The following CTR9 variants were observed in gnomAD, a reference collection of about 807,000 sequenced individuals.
CTR9 encodes the protein RNA polymerase-associated protein CTR9 homolog.
CTR9 carries 41 observed loss-of-function variants against 152.1 expected under a neutral mutation model. The ratio of observed to expected loss-of-function variants is 0.27; its 90% CI spans 0.21 to 0.35. CTR9 has a LOEUF of 0.35. Among genes scored for constraint, CTR9 ranks in the 10% least tolerant of loss-of-function variants. CTR9 has a pLI of 1.00. For missense variants in CTR9, 917 were observed against 1,424.4 expected (o/e 0.64, Z 5.73); for synonymous variants, 476 against 496.2 (o/e 0.96, Z 0.54).
chr11:10,751,590 G>GTATT, intron 1 of CTR9, 133 bp downstream of exon 1: 1 of 861,558 alleles, frequency 1.2e-6, no homozygotes, highest in Non-Finnish European at 1.8e-6. Flanking sequence ...CCTGGCCAAG[G>GTATT]TCTGATCATC....
At chr11:10,773,884 C>CAAAA (rs11386264) in intron 21 of CTR9, 128 bp from the exon 22 acceptor site, 84 of 402,868 alleles carry the variant, frequency 2.1e-4, no homozygotes, top group African/African-American at 7.0e-4. Flanking sequence ...GACTTCATCT[C>CAAAA]AAAAAAAAAA....
rs1005161521 is a variant in CTR9 at position 10,756,894 on chromosome 11, T to G, written c.592+56T>G. The G allele has an allele frequency of 1.2e-5, 13 of 1,099,412 alleles. No homozygotes were observed. In the African/African-American group the frequency reaches 2.0e-4, roughly 17 times the overall value. The allele number at this position is 1,099,412 out of a possible 1,614,324, so 68.1% of individuals were successfully genotyped here. A position where few individuals can be genotyped will look rare whatever the true frequency, so the allele number is the denominator to read the frequency against. Reference sequence around the variant, plus strand: ...CTGTGTATTACCCAGCTTAAAGCATTGAGGATTTGTCAGTTGCTTATGAAG... The same window carrying G: ...CTGTGTATTACCCAGCTTAAAGCATGGAGGATTTGTCAGTTGCTTATGAAG... On this transcript the variant is annotated intron_variant, in intron 5 of 24. Coordinates refer to ENST00000361367, the MANE Select transcript of CTR9 (RefSeq NM_014633.5).
At chr11:10,775,724 C>A in intron 24 of CTR9, 91 bp downstream of exon 24, 3 of 692,400 alleles carry the variant, frequency 4.3e-6, no homozygotes, top group Non-Finnish European at 6.7e-6. Context: ...GAAAAATATA[C>A]TTTTCTTTCT....
rs116084827 is a variant in CTR9, at chr11:10,765,616, T to C, written c.1598-786T>C. ...AATTGGGATTACAGGGGCCCACGAC[T>C]ACGTCCGACTAATTTTTGTGTTTTT... On this transcript the variant is annotated intron_variant, in intron 12 of 24. Coordinates refer to ENST00000361367, the MANE Select transcript of CTR9 (RefSeq NM_014633.5). Among the ~76,000 whole-genome samples, 1,169 of 152,198 alleles carry C rather than the reference T, an allele frequency of 7.7e-3. 17 individuals are homozygous for C. Among genetic ancestry groups the C allele is most frequent in the African/African-American group, 0.027 (1,116 of 41,532 alleles).
intron 21 of CTR9, 30 bp from the exon 22 acceptor site, chr11:10,773,982 T>G: frequency 6.5e-7 from 1 of 1,543,648 alleles, no homozygotes. Context: ...AACCAGGAAA[T>G]AACTGACTAT....
In CTR9 at chr11:10,752,689, C is replaced by T. The variant is rs755268144; in HGVS notation, c.63C>T (p.Phe21=). The part of the protein sequence containing the change: ...RDTDEVIELD[F]DQLPEGDEVI... ...TATTTTAGGTCATTGAACTTGACTT[C>T]GATCAGTTACCGGAGGGAGATGAAG... Residue 21 remains phenylalanine (F), a synonymous_variant, in exon 2 of 25, where the codon TTC becomes TTT. Coordinates refer to ENST00000361367, the MANE Select transcript of CTR9 (RefSeq NM_014633.5). 12 of 1,613,302 alleles carry T rather than the reference C, an allele frequency of 7.4e-6. 1 individual carries two copies. The highest frequency in any genetic ancestry group is 6.7e-5 in the African/African-American group (5 of 74,874).
chr11:10,755,308 T>C, intron 3 of CTR9, 111 bp downstream of exon 3: 1 of 1,258,540 alleles, frequency 7.9e-7, no homozygotes, highest in Non-Finnish European at 1.1e-6. Flanking sequence ...GTAACATGGT[T>C]GATAGAGTCA....
At chr11:10,776,448 G>A (rs1564973432) in intron 24 of CTR9, among the ~76,000 whole-genome samples, 2 of 152,132 alleles carry the variant, frequency 1.3e-5, no homozygotes, top group Non-Finnish European at 2.9e-5. Context: ...TCCTAAACTT[G>A]CTCCTCAAGC....
rs576086623 is a variant in CTR9 at position 10,762,089 on chromosome 11, T to G, written c.849+35T>G. 2.3e-5 allele frequency: 31 copies of G among 1,340,118 alleles called. No individual in the cohort carries two copies. In the African/African-American group the frequency reaches 3.1e-4, roughly 13 times the overall value. The allele number at this position is 1,340,118 out of a possible 1,614,324, so 83.0% of individuals were successfully genotyped here. A position where few individuals can be genotyped will look rare whatever the true frequency, so the allele number is the denominator to read the frequency against. ...ATTTATTTTTAAATTCTGATTTTTG[T>G]TTTTCTGTACTGCAATTGATATTTT... On this transcript the variant is annotated intron_variant, in intron 7 of 24. Coordinates refer to ENST00000361367, the MANE Select transcript of CTR9 (RefSeq NM_014633.5).
At chr11:10,771,820 C>CT (rs1398570851) in intron 19 of CTR9, among the ~76,000 whole-genome samples, 1 of 152,088 alleles carries the variant, frequency 6.6e-6, no homozygotes, top group Non-Finnish European at 1.5e-5. Flanking sequence ...TACTTGAGTT[C>CT]TGGGGGAAAA....
At chr11:10,757,633 A>G (rs1473344096) in intron 5 of CTR9, among the ~76,000 whole-genome samples, 3 of 152,146 alleles carry the variant, frequency 2.0e-5, no homozygotes, top group South Asian at 2.1e-4. Flanking sequence ...GCCCTATACT[A>G]TTTTTCTTTC....
intron 6 of CTR9, 114 bp downstream of exon 6, chr11:10,760,435 A>G: frequency 9.9e-7 from 1 of 1,009,650 alleles, no homozygotes; most frequent in Non-Finnish European, 1.5e-6. Flanking sequence ...AGATTACAGA[A>G]GGGTACCTGT....
chr11:10,778,610 C>G, intron 24 of CTR9, 69 bp from the exon 25 acceptor site: 1 of 1,439,812 alleles, frequency 6.9e-7, no homozygotes, highest in Middle Eastern at 1.8e-4. Context: ...TTTAAAAGCA[C>G]ATTGTCTGCT....
rs1476193248 is a variant in CTR9 at position 10,768,060 on chromosome 11, A to C, written c.1873-14A>C. On this transcript the variant is annotated splice_polypyrimidine_tract_variant and intron_variant, in intron 14 of 24. Coordinates refer to ENST00000361367, the MANE Select transcript of CTR9 (RefSeq NM_014633.5). ...TCTCGTTTGAATCTTTTTTAAGAGC[A>C]CTTGTTTCTATAGGAAAAGCGTCAT... The C allele has an allele frequency of 2.5e-6, 4 of 1,613,844 alleles. No individual in the cohort carries two copies. The Admixed American group carries it at 5.0e-5, about 20-fold the overall frequency.
Position 10,768,343 on chromosome 11 carries a change from G to C in CTR9, c.1961G>C (p.Gly654Ala). ...AKNLYAANGIGAVLAHKGYFR... is the reference protein window; with the variant it reads ...AKNLYAANGIAAVLAHKGYFR... ...AGTGTGAACCTTTTTATATCTTTAG[G>C]AGCTGTTTTGGCCCACAAAGGATAT... The change falls in exon 16 of 25, where the codon GGA becomes GCA. Residue 654 changes from glycine (G) to alanine (A), a missense_variant and splice_region_variant. Around this residue, in one of 9 missense-constraint regions of CTR9, gnomAD observed 87 missense variants for 235.7 expected, o/e 0.37. Transcript: ENST00000361367. The C allele has an allele frequency of 6.2e-7, 1 of 1,609,682 alleles. No homozygotes were observed. Among genetic ancestry groups the C allele is most frequent in the Non-Finnish European group, 8.5e-7 (1 of 1,178,864 alleles).
At chr11:10,775,434 G>T in intron 23 of CTR9, 87 bp from the exon 24 acceptor site, 1 of 1,375,172 alleles carries the variant, frequency 7.3e-7, no homozygotes, top group South Asian at 1.3e-5. Flanking sequence ...GTGGCTGTTT[G>T]ATTGTATCAT....
intron 18 of CTR9, 117 bp downstream of exon 18, chr11:10,770,749 C>A: frequency 1.1e-6 from 1 of 927,948 alleles, no homozygotes; most frequent in Non-Finnish European, 1.6e-6. Context: ...TCTCAAGCTG[C>A]TGAAAATCAC....
In CTR9 at chr11:10,767,622, T is replaced by A; in HGVS notation, c.1687-184T>A. 1 of 610,732 alleles carries A rather than the reference T, an allele frequency of 1.6e-6. No individual in the cohort carries two copies. Among genetic ancestry groups the A allele is most frequent in the Non-Finnish European group, 2.9e-6 (1 of 346,444 alleles). The allele number at this position is 610,732 out of a possible 1,614,324, so 37.8% of individuals were successfully genotyped here. A position where few individuals can be genotyped will look rare whatever the true frequency, so the allele number is the denominator to read the frequency against. On this transcript the variant is annotated intron_variant, in intron 13 of 24. Transcript: ENST00000361367. The surrounding 1 kb of genome is among the most constrained non-coding windows in gnomAD (Gnocchi z 4.0). ...TGGTGCAATTTTGTATAACTTAGCT[T>A]TAGCATTAGTAGTTCGATAAATTTG...
At chr11:10,752,553 A>G (rs921397422) in intron 1 of CTR9, 119 bp from the exon 2 acceptor site, 4 of 696,312 alleles carry the variant, frequency 5.7e-6, no homozygotes, top group Non-Finnish European at 1.0e-5. Flanking sequence ...GCTCAACCGT[A>G]TTGAAAGTGA....
Sources: allele counts gnomAD v4.1 joint callset (sites outside exome capture counted in the v4.1 genomes callset), GRCh38; gene constraint gnomAD v4.1.1; regional missense constraint gnomAD v4.1.1; non-coding constraint Gnocchi (gnomAD v3.1); transcripts MANE v1.5; gene names NCBI Gene and HGNC (gene_info 2026-07-23, HGNC 2026-07-21).